Variants in MAD1L1 observed in about 807,000 individuals in gnomAD.
The protein encoded by MAD1L1 is mitotic arrest deficient 1 like 1.
A neutral mutation model predicts 96.9 loss-of-function variants in MAD1L1; 95 were observed. The ratio of observed to expected loss-of-function variants is 0.98; its 90% CI spans 0.83 to 1.16. MAD1L1 has a LOEUF of 1.16. MAD1L1 is among the 50% of genes most tolerant of loss of function. The pLI, the probability that MAD1L1 is intolerant of heterozygous loss-of-function variation, is 0.00. For synonymous variants in MAD1L1, 473 were observed against 396.6 expected, an observed-to-expected ratio of 1.19 and a Z score of -2.29; for missense variants, 1,007 against 954.4, an observed-to-expected ratio of 1.06 and a Z score of -0.73.
At chr7:1,917,130 T>C (rs968794345) in intron 17 of MAD1L1, among the ~76,000 whole-genome samples, 1 of 152,168 alleles carries the variant, frequency 6.6e-6, no homozygotes, top group African/African-American at 2.4e-5. Context: ...CCTCCATCCA[T>C]GTGCCCCAGG....
intron 18 of MAD1L1, among the ~76,000 whole-genome samples, chr7:1,895,745 G>C (rs1319358797): frequency 6.6e-6 from 1 of 152,218 alleles, no homozygotes; most frequent in Non-Finnish European, 1.5e-5. Flanking sequence ...TGTCCTTCCG[G>C]AGGCGGCTGC....
rs76639681 is a variant in MAD1L1, at chr7:2,040,311, G to A, written c.1219-25669C>T. On this transcript the variant is annotated intron_variant, in intron 12 of 18. Coordinates refer to ENST00000265854, the MANE Select transcript of MAD1L1 (RefSeq NM_001013836.2). ...TCTGCGGCTCCATCTCAGCTCCTCCGGACCCTCCCAGATCCCCACAACTGG... is the reference window on the plus strand; with the variant it reads ...TCTGCGGCTCCATCTCAGCTCCTCCAGACCCTCCCAGATCCCCACAACTGG... Among the ~76,000 whole-genome samples the A allele has an allele frequency of 3.0e-3, 451 of 152,248 alleles. 1 individual carries two copies. The highest frequency in any genetic ancestry group is 0.01 in the African/African-American group (433 of 41,536).
intron 18 of MAD1L1, among the ~76,000 whole-genome samples, chr7:1,817,820 G>A (rs1304602409): frequency 1.3e-5 from 2 of 152,122 alleles, no homozygotes; most frequent in African/African-American, 2.4e-5. Context: ...CATCCAGCTT[G>A]GTCCTGGCAG....
chr7:2,208,832 C>T (rs992199726), intron 10 of MAD1L1, among the ~76,000 whole-genome samples: 1 of 152,150 alleles, frequency 6.6e-6, no homozygotes, highest in African/African-American at 2.4e-5. Flanking sequence ...TGTGTGCTGG[C>T]CTCCGCTTTC....
At chr7:2,162,784 C>T (rs1438796696) in intron 10 of MAD1L1, among the ~76,000 whole-genome samples, 3 of 144,240 alleles carry the variant, frequency 2.1e-5, no homozygotes, top group Non-Finnish European at 3.0e-5. Context: ...GTATCTCAAA[C>T]ATTTCAACTT....
chr7:1,971,109 T>C (rs1179069938), intron 15 of MAD1L1, among the ~76,000 whole-genome samples: 3 of 152,148 alleles, frequency 2.0e-5, no homozygotes, highest in African/African-American at 4.8e-5. Flanking sequence ...ATACAGTGAA[T>C]ATCCTTAAAC....
chr7:2,170,494 C>T (rs963348077), intron 10 of MAD1L1, among the ~76,000 whole-genome samples: 3 of 152,088 alleles, frequency 2.0e-5, no homozygotes, highest in East Asian at 3.9e-4. Flanking sequence ...GACAGAGAAG[C>T]GGGAGAGCCA....
intron 18 of MAD1L1, among the ~76,000 whole-genome samples, chr7:1,844,994 G>C (rs4449693): frequency 0.29 from 44,744 of 152,214 alleles, 7,323 homozygotes; most frequent in East Asian, 0.45. Flanking sequence ...GGGAGGAGGG[G>C]CCTGAGCCCG....
chr7:2,110,808 C>G (rs1400811029), intron 11 of MAD1L1, among the ~76,000 whole-genome samples: 4 of 152,198 alleles, frequency 2.6e-5, no homozygotes, highest in Non-Finnish European at 5.9e-5. Context: ...ATGGTGCACG[C>G]CCATAAGAAG....
chr7:2,209,893 A>G (rs74981847), intron 10 of MAD1L1: 10,380 of 152,364 alleles, frequency 0.068, 488 homozygotes, highest in Non-Finnish European at 0.1. Context: ...CCACACAAGA[A>G]CAGCAAATGC....
chr7:2,039,710 G>A (rs903729782), intron 12 of MAD1L1, among the ~76,000 whole-genome samples: 2 of 152,052 alleles, frequency 1.3e-5, no homozygotes, highest in African/African-American at 4.8e-5. Context: ...TGTCTGTTTT[G>A]TTTTTCTATT....
At chr7:1,820,583 A>G (rs1782070940) in intron 18 of MAD1L1, among the ~76,000 whole-genome samples, 2 of 152,044 alleles carry the variant, frequency 1.3e-5, no homozygotes, top group South Asian at 4.2e-4. Context: ...CCTGGACAAC[A>G]CAGTGAGACC....
At chr7:1,893,863 G>C (rs565166827) in intron 18 of MAD1L1, among the ~76,000 whole-genome samples, 2 of 152,336 alleles carry the variant, frequency 1.3e-5, no homozygotes, top group South Asian at 4.1e-4. Flanking sequence ...GGACAGTGGA[G>C]ACCAGGGCCA....
intron 18 of MAD1L1, among the ~76,000 whole-genome samples, chr7:1,840,530 G>A (rs994560110): frequency 7.2e-5 from 11 of 152,170 alleles, no homozygotes; most frequent in African/African-American, 2.7e-4. Context: ...AGGAGTTCCA[G>A]ACCAGCCTGG....
At chr7:1,845,483 C>T (rs1176211272) in intron 18 of MAD1L1, 2 of 71,934 alleles carry the variant, frequency 2.8e-5, no homozygotes. Context: ...AGAGACGCGT[C>T]GGGCTCTGAT....
At chr7:2,072,118 C>T (rs553430066) in intron 11 of MAD1L1, among the ~76,000 whole-genome samples, 1 of 152,340 alleles carries the variant, frequency 6.6e-6, no homozygotes, top group African/African-American at 2.4e-5. Context: ...AGCACACCTG[C>T]GGCTCGCGAC....
At chr7:2,055,418 G>A (rs1784346987) in intron 12 of MAD1L1, among the ~76,000 whole-genome samples, 1 of 152,180 alleles carries the variant, frequency 6.6e-6, no homozygotes, top group Non-Finnish European at 1.5e-5. Flanking sequence ...GAGCAGCACA[G>A]GAGCGCCACC....
chr7:1,848,959 T>C (rs1235431979), intron 18 of MAD1L1: 2 of 154,462 alleles, frequency 1.3e-5, no homozygotes, highest in African/African-American at 4.8e-5. Context: ...TCATCACCCA[T>C]CACCCAGTCA....
In MAD1L1 at chr7:2,203,863, C is replaced by T. The variant is rs577661748; in HGVS notation, c.986+9349G>A. ...CAAGCACAGCACGCCCTGCTGCCCACCTCCGGGGCAATCAGTTCTATTCTG... is the reference window on the plus strand; with the variant it reads ...CAAGCACAGCACGCCCTGCTGCCCATCTCCGGGGCAATCAGTTCTATTCTG... On this transcript the variant is annotated intron_variant, in intron 10 of 18. Transcript: ENST00000265854. Among the ~76,000 whole-genome samples, 5 of 152,334 alleles carry T rather than the reference C, an allele frequency of 3.3e-5. No homozygotes were observed. The East Asian group carries it at 5.8e-4, about 18-fold the overall frequency.
Sources: allele counts gnomAD v4.1 joint callset (sites outside exome capture counted in the v4.1 genomes callset), GRCh38; gene constraint gnomAD v4.1.1; transcripts MANE v1.5; gene names NCBI Gene and HGNC (gene_info 2026-07-23, HGNC 2026-07-21).